The following SEMA4B variants were observed in gnomAD, a reference collection of about 807,000 sequenced individuals.
SEMA4B encodes semaphorin 4B, also known as semaphorin-4B.
Under a neutral mutation model 88.1 loss-of-function variants are expected in SEMA4B, and 55 were observed. The ratio of observed to expected loss-of-function variants is 0.62; its 90% CI spans 0.50 to 0.78. The LOEUF (loss-of-function observed/expected upper bound fraction) is 0.78, where lower values mean the gene tolerates loss of function less well. Ranked by LOEUF, SEMA4B falls within the 30% of genes least tolerant of loss-of-function variation. The pLI is 0.00. For missense variants in SEMA4B, 1,062 were observed against 1,111.9 expected, an observed-to-expected ratio of 0.96 and a Z score of 0.64; for synonymous variants, 525 against 473.6, an observed-to-expected ratio of 1.11 and a Z score of -1.41.
At chr15:90,209,277 G>A (rs903056485) in intron 1 of SEMA4B, among the ~76,000 whole-genome samples, 4 of 152,122 alleles carry the variant, frequency 2.6e-5, no homozygotes, top group African/African-American at 4.8e-5. Flanking sequence ...AAGACCGGGC[G>A]CGGTGGCTCA....
chr15:90,208,216 T>C (rs1961085202), intron 1 of SEMA4B, among the ~76,000 whole-genome samples: 1 of 151,130 alleles, frequency 6.6e-6, no homozygotes, highest in Admixed American at 6.6e-5. Context: ...ATCATGCCAT[T>C]GCACTCCAGC....
At chr15:90,194,095 G>A (rs531627975) in intron 1 of SEMA4B, among the ~76,000 whole-genome samples, 43 of 152,016 alleles carry the variant, frequency 2.8e-4, no homozygotes, top group African/African-American at 9.9e-4. Flanking sequence ...CAGGTGATGC[G>A]CCCACCTCAG....
chr15:90,227,375 A>C, intron 12 of SEMA4B, 182 bp from the exon 13 acceptor site: 1 of 599,332 alleles, frequency 1.7e-6, no homozygotes, highest in African/African-American at 1.9e-5. Context: ...TTATGTAATT[A>C]AGGGAAGTGT....
chr15:90,220,689 G>A (rs1961778698), intron 4 of SEMA4B, among the ~76,000 whole-genome samples: 1 of 152,074 alleles, frequency 6.6e-6, no homozygotes, highest in Non-Finnish European at 1.5e-5. Flanking sequence ...CATTTTCTAA[G>A]CCTCACCTCC....
Position 90,225,778 on chromosome 15 carries a change from G to T in SEMA4B, c.1639G>T (p.Gly547Cys), listed in dbSNP as rs753838061. 4.5e-6 allele frequency: 7 copies of T among 1,564,674 alleles called. No homozygotes were observed. Among genetic ancestry groups the T allele is most frequent in the Non-Finnish European group, 6.1e-6 (7 of 1,155,934 alleles). ...LARDPYCAWS[G>C]SSCKHVSLYQ... The stretch of plus-strand genomic sequence containing the variant: ...CCGGGACCCCTACTGTGCTTGGAGC[G>T]GCTCCAGCTGCAAGCACGTCAGCCT... Residue 547 changes from glycine (G) to cysteine (C), a missense_variant, in exon 12 of 14, where the codon GGC (glycine) becomes TGC (cysteine). Coordinates refer to ENST00000411539, the MANE Select transcript of SEMA4B (RefSeq NM_198925.4).
At chr15:90,206,475 C>A in intron 1 of SEMA4B, 1 of 284,054 alleles carries the variant, frequency 3.5e-6, no homozygotes. Context: ...AATTAAAAGC[C>A]TGGTGGCTCT....
chr15:90,225,903 C>T (rs927440016), intron 12 of SEMA4B, 76 bp downstream of exon 12: 2 of 1,207,194 alleles, frequency 1.7e-6, no homozygotes, highest in African/African-American at 3.1e-5. Context: ...CTGGGCCCTC[C>T]TTGGGACCGC....
Position 90,217,490 on chromosome 15 carries a change from A to G in SEMA4B, c.209A>G (p.Tyr70Cys). The G allele has an allele frequency of 6.2e-7, 1 of 1,613,948 alleles. No homozygotes were observed. The highest frequency in any genetic ancestry group is 8.5e-7 in the Non-Finnish European group (1 of 1,179,856). The change falls in exon 2 of 14, where the codon TAC (tyrosine) becomes TGC (cysteine). Residue 70 changes from tyrosine to cysteine, a missense_variant. Transcript: ENST00000411539. ...TTCGAAGCTGAACACATCTCCAACT[A>G]CACAGCCCTTCTGCTGAGCAGGGAT... ...LRFEAEHISN[Y>C]TALLLSRDGR...
At chr15:90,227,492 A>G (rs1962228839) in intron 12 of SEMA4B, 65 bp from the exon 13 acceptor site, 2 of 1,488,072 alleles carry the variant, frequency 1.3e-6, no homozygotes, top group East Asian at 2.3e-5. Flanking sequence ...GTCTGCAGTG[A>G]GGGGTGAGGG....
chr15:90,223,784 G>T lies in SEMA4B; in HGVS notation c.1043+44G>T, dbSNP rs1345216847. ...GCTGGAGATGGAAGGGTGAAGGGTG[G>T]CTGGGACTGGGGCCCCCAGGGCTCC... On this transcript the variant is annotated intron_variant, in intron 8 of 13. Coordinates refer to ENST00000411539, the MANE Select transcript of SEMA4B (RefSeq NM_198925.4). 1.9e-6 allele frequency: 3 copies of T among 1,605,660 alleles called. No individual in the cohort carries two copies. The African/African-American group carries it at 4.0e-5, about 21-fold the overall frequency.
chr15:90,199,068 T>G (rs574715620), upstream of SEMA4B, among the ~76,000 whole-genome samples: 163 of 152,284 alleles, frequency 1.1e-3, 1 homozygote, highest in African/African-American at 3.9e-3. Context: ...GAGATGGGGA[T>G]TCACCATGTT....
chr15:90,199,725 C>T (rs1960634056), upstream of SEMA4B, among the ~76,000 whole-genome samples: 1 of 151,992 alleles, frequency 6.6e-6, no homozygotes. Flanking sequence ...ACTCGGGAGG[C>T]TGAGGCAGGA....
intron 1 of SEMA4B, among the ~76,000 whole-genome samples, chr15:90,206,405 T>C (rs1347425624): frequency 6.6e-6 from 1 of 152,210 alleles, no homozygotes; most frequent in Non-Finnish European, 1.5e-5. Flanking sequence ...GCCCCTCCTC[T>C]TCACATTCTG....
At chr15:90,194,341 T>A (rs1408772801) in intron 1 of SEMA4B, among the ~76,000 whole-genome samples, 1 of 151,766 alleles carries the variant, frequency 6.6e-6, no homozygotes, top group Non-Finnish European at 1.5e-5. Flanking sequence ...AGACCAGCCG[T>A]GACCAACATG....
upstream of SEMA4B, among the ~76,000 whole-genome samples, chr15:90,196,347 A>T (rs540145865): frequency 1.2e-4 from 18 of 152,214 alleles, no homozygotes; most frequent in African/African-American, 4.1e-4. Context: ...TCCCTTAGAG[A>T]TAAATGTTCC....
chr15:90,220,130 C>A, intron 4 of SEMA4B: 1 of 488,074 alleles, frequency 2.0e-6, no homozygotes, highest in African/African-American at 2.0e-5. Flanking sequence ...CCATGAAGAT[C>A]CTGTGCCACC....
At chr15:90,207,086 G>A (rs1961029445) in intron 1 of SEMA4B, 1 of 315,844 alleles carries the variant, frequency 3.2e-6, no homozygotes. Flanking sequence ...ACTAAGGGGT[G>A]GCTCCTGCCC....
At chr15:90,227,143 A>C (rs564817641) in intron 12 of SEMA4B, 1 of 183,272 alleles carries the variant, frequency 5.5e-6, no homozygotes, top group Admixed American at 5.5e-5. Context: ...TCCTGGGCTC[A>C]AGCAATCGAT....
chr15:90,207,123 A>T (rs553102141), intron 1 of SEMA4B, among the ~76,000 whole-genome samples: 1 of 152,352 alleles, frequency 6.6e-6, no homozygotes, highest in East Asian at 1.9e-4. Context: ...ACAGAAGAGT[A>T]GAGTGGCTAC....
Sources: gnomAD v4.1 joint callset for allele counts (sites outside exome capture counted in the v4.1 genomes callset) on GRCh38, gnomAD v4.1.1 for gene constraint, MANE v1.5 for transcripts, NCBI Gene and HGNC (gene_info 2026-07-23, HGNC 2026-07-21) for gene names.